Variants in RIPOR2 observed in about 807,000 individuals in gnomAD.
RIPOR2 encodes the protein RHO family interacting cell polarization regulator 2, also known as rho family-interacting cell polarization regulator 2.
In RIPOR2, 39 loss-of-function variants were observed where a neutral mutation model predicts 114.5. That is an observed-to-expected ratio of 0.34 (90% CI 0.26 to 0.44). The LOEUF is 0.44. Ranked by LOEUF, RIPOR2 falls within the 20% of genes least tolerant of loss-of-function variation. RIPOR2 has a pLI of 1.00. For synonymous variants in RIPOR2, 445 were observed against 484.4 expected (o/e 0.92, Z 1.07); for missense variants, 1,007 against 1,255.1 (o/e 0.80, Z 2.99).
intron 20 of RIPOR2, among the ~76,000 whole-genome samples, chr6:24,810,641 T>C (rs1340036336): frequency 2.6e-5 from 4 of 152,180 alleles, no homozygotes; most frequent in African/African-American, 9.7e-5. Flanking sequence ...GATCACTGTA[T>C]CCTTATGTCT....
chr6:24,840,502 T>C, intron 13 of RIPOR2: 1 of 1,401,434 alleles, frequency 7.1e-7, no homozygotes, highest in South Asian at 1.5e-5. Context: ...TTTCCAAATA[T>C]TCAAGAGGAT....
In RIPOR2 at chr6:24,883,259, G is replaced by A. The variant is rs1189069448; in HGVS notation, c.62-7442C>T. ...TAAGGATATCTCAGTTCTCGCCAAG[G>A]CATTTCTCATGGGGGCCAAACGTCA... On this transcript the variant is annotated intron_variant, in intron 1 of 21. Coordinates refer to ENST00000643898, the MANE Select transcript of RIPOR2 (RefSeq NM_001286445.3). This position sits in a 1 kb window ranked among gnomAD's most constrained non-coding sequence, Gnocchi z 4.1. 7.2e-5 allele frequency among the ~76,000 whole-genome samples: 11 copies of A among 152,166 alleles called. No individual in the cohort carries two copies. Among genetic ancestry groups the A allele is most frequent in the Non-Finnish European group, 1.5e-5 (1 of 68,026 alleles).
At chr6:24,867,294 C>T (rs35300198) in intron 6 of RIPOR2, among the ~76,000 whole-genome samples, 21,102 of 152,112 alleles carry the variant, frequency 0.14, 1,517 homozygotes, top group Non-Finnish European at 0.15. Flanking sequence ...GTGTGGTTTC[C>T]GTGCTTTAAA....
rs745772451 is a variant in RIPOR2, at chr6:24,849,970, A to T, written c.886-20T>A. 6.2e-7 allele frequency: 1 copy of T among 1,608,514 alleles called. No individual in the cohort carries two copies. Among genetic ancestry groups the T allele is most frequent in the Admixed American group, 1.7e-5 (1 of 59,722 alleles). On this transcript the variant is annotated intron_variant, in intron 10 of 21. Transcript: ENST00000643898. ...CGTGACCTAGCAGAGAGAGTGGGAG[A>T]GAATAGGCCTTACATCACAGCAGAG...
chr6:24,954,592 ACTACAGGCATGTGTCAC>A (rs1365852462), intron 1 of RIPOR2, among the ~76,000 whole-genome samples: 10 of 151,616 alleles, frequency 6.6e-5, no homozygotes, highest in Non-Finnish European at 1.5e-4. Context: ...GGTAGCTGGG[ACTACAGGCATGTGTCAC>A]CATGCCTGGC....
intron 1 of RIPOR2, among the ~76,000 whole-genome samples, chr6:25,001,624 CA>C (rs747422738): frequency 0.34 from 19,297 of 56,292 alleles, 1,220 homozygotes; most frequent in East Asian, 0.52. Context: ...GACTTCATCT[CA>C]AAAAAAAAAA....
chr6:24,938,175 A>C (rs1771923050), upstream of RIPOR2, among the ~76,000 whole-genome samples: 4 of 152,314 alleles, frequency 2.6e-5, no homozygotes, highest in South Asian at 8.3e-4. Flanking sequence ...ATGGGTCCTT[A>C]ATCCAATATG....
At chr6:24,874,921 C>T (rs1354358880) in intron 2 of RIPOR2, among the ~76,000 whole-genome samples, 1 of 152,180 alleles carries the variant, frequency 6.6e-6, no homozygotes, top group Non-Finnish European at 1.5e-5. Context: ...ATACAGCTTG[C>T]AGCGGTAAGA....
rs1763656672 is a variant in RIPOR2 at position 24,858,056 on chromosome 6, T to C, written c.715+2917A>G. Reference sequence around the variant, plus strand: ...TACACTGGGATGCCTTCCTCTTTCCTGCTCCTCTCCCCAACTAGAGAGGTG... The same window carrying C: ...TACACTGGGATGCCTTCCTCTTTCCCGCTCCTCTCCCCAACTAGAGAGGTG... On this transcript the variant is annotated intron_variant, in intron 8 of 21. Transcript: ENST00000643898. The surrounding 1 kb of genome is among the most constrained non-coding windows in gnomAD (Gnocchi z 4.0). 6.6e-6 allele frequency among the ~76,000 whole-genome samples: 1 copy of C among 152,236 alleles called. No individual in the cohort carries two copies.
At chr6:24,908,225 G>A (rs1216943091) in intron 1 of RIPOR2, among the ~76,000 whole-genome samples, 6 of 152,106 alleles carry the variant, frequency 3.9e-5, no homozygotes, top group Admixed American at 1.3e-4. Context: ...TAAATAAAAC[G>A]GACTTTCACT....
At chr6:24,877,140 CT>C in intron 1 of RIPOR2, 1 of 985,424 alleles carries the variant, frequency 1.0e-6, no homozygotes, top group Non-Finnish European at 1.2e-6. Context: ...CAGCAGAACT[CT>C]CTGGTAGTAC....
chr6:24,854,104 G>A lies in RIPOR2; in HGVS notation c.716-1486C>T, dbSNP rs371581897. Among the ~76,000 whole-genome samples, 55 of 148,430 alleles carry A rather than the reference G, an allele frequency of 3.7e-4. 1 individual carries two copies. In the South Asian group the frequency reaches 0.011, roughly 28 times the overall value. Reference sequence around the variant, plus strand: ...ACTGCACTCCAGCCTGGGTAACAGAGTGAGACTATGTCTGAAAAAGAAAAA... The same window carrying A: ...ACTGCACTCCAGCCTGGGTAACAGAATGAGACTATGTCTGAAAAAGAAAAA... On this transcript the variant is annotated intron_variant, in intron 8 of 21. Coordinates refer to ENST00000643898, the MANE Select transcript of RIPOR2 (RefSeq NM_001286445.3).
At chr6:24,873,262 C>T (rs1765391166) in intron 3 of RIPOR2, among the ~76,000 whole-genome samples, 1 of 152,206 alleles carries the variant, frequency 6.6e-6, no homozygotes, top group Non-Finnish European at 1.5e-5. Context: ...TGACAGAATT[C>T]TATCTAGTCA....
intron 1 of RIPOR2, among the ~76,000 whole-genome samples, chr6:24,886,430 G>T (rs1394100058): frequency 6.6e-6 from 1 of 152,056 alleles, no homozygotes; most frequent in Non-Finnish European, 1.5e-5. Flanking sequence ...TCCATGTATT[G>T]TCCCTCCTCC....
intron 1 of RIPOR2, among the ~76,000 whole-genome samples, chr6:25,035,320 T>C (rs1400250085): frequency 6.6e-6 from 1 of 152,222 alleles, no homozygotes; most frequent in African/African-American, 2.4e-5. Flanking sequence ...AACTCCTCAC[T>C]GACCTCCTCT....
At chr6:25,032,249 C>G (rs1777025742) in intron 1 of RIPOR2, among the ~76,000 whole-genome samples, 1 of 151,226 alleles carries the variant, frequency 6.6e-6, no homozygotes, top group African/African-American at 2.4e-5. Flanking sequence ...CAATTTGTAA[C>G]AAACCTCAGG....
At chr6:24,825,072 T>C (rs1196943369) in intron 19 of RIPOR2, among the ~76,000 whole-genome samples, 154 bp downstream of exon 19, 13 of 152,214 alleles carry the variant, frequency 8.5e-5, no homozygotes, top group Admixed American at 8.5e-4. Context: ...GGGGTACTTA[T>C]CTATATTTCT....
At chr6:24,832,123 A>G in intron 16 of RIPOR2, 133 bp downstream of exon 16, 1 of 876,314 alleles carries the variant, frequency 1.1e-6, no homozygotes, top group Non-Finnish European at 1.7e-6. Flanking sequence ...ATTTGTTTGG[A>G]GACCTTTCTC....
chr6:24,828,706 T>A (rs953828194), intron 17 of RIPOR2, among the ~76,000 whole-genome samples: 7 of 150,752 alleles, frequency 4.6e-5, no homozygotes, highest in Non-Finnish European at 1.0e-4. Flanking sequence ...AAATATATAA[T>A]GAATAAATAT....
Sources: gnomAD v4.1 joint callset for allele counts (sites outside exome capture counted in the v4.1 genomes callset) on GRCh38, gnomAD v4.1.1 for gene constraint, Gnocchi (gnomAD v3.1) non-coding constraint, MANE v1.5 for transcripts, NCBI Gene and HGNC (gene_info 2026-07-23, HGNC 2026-07-21) for gene names.